The following AFAP1L1 variants were observed in gnomAD, a reference collection of about 807,000 sequenced individuals.
The protein encoded by AFAP1L1 is actin filament associated protein 1 like 1, also known as actin filament-associated protein 1-like 1.
A neutral mutation model predicts 99.8 loss-of-function variants in AFAP1L1; 77 were observed. The ratio of observed to expected loss-of-function variants is 0.77; its 90% confidence interval spans 0.64 to 0.93. AFAP1L1 has a LOEUF of 0.93. AFAP1L1 is among the 40% of genes least tolerant of loss of function. The pLI, the probability that AFAP1L1 is intolerant of heterozygous loss-of-function variation, is 0.00. For missense variants in AFAP1L1, 893 were observed against 996.8 expected (o/e 0.90, Z 1.40); for synonymous variants, 373 against 395.3 (o/e 0.94, Z 0.67).
At chr5:149,290,947 G>A (rs1347248392) in intron 1 of AFAP1L1, among the ~76,000 whole-genome samples, 1 of 152,242 alleles carries the variant, frequency 6.6e-6, no homozygotes, top group Non-Finnish European at 1.5e-5. Flanking sequence ...TCAGGCTTAA[G>A]TTGGGGAAAG....
intron 1 of AFAP1L1, among the ~76,000 whole-genome samples, chr5:149,296,620 G>T (rs963222332): frequency 2.0e-5 from 3 of 152,224 alleles, no homozygotes; most frequent in African/African-American, 7.2e-5. Flanking sequence ...CGTTGGGACA[G>T]TTGGAACAAT....
chr5:149,293,123 C>T (rs1275330711), intron 1 of AFAP1L1, among the ~76,000 whole-genome samples: 1 of 152,214 alleles, frequency 6.6e-6, no homozygotes, highest in Admixed American at 6.5e-5. Context: ...CTACCACTTC[C>T]CCTGAAACTC....
Position 149,340,995 on chromosome 5 carries a change from G to C in AFAP1L1, c.*965G>C, listed in dbSNP as rs1286622977. 2 of 152,052 alleles carry C rather than the reference G, an allele frequency of 1.3e-5. No homozygotes were observed. Among genetic ancestry groups the C allele is most frequent in the Non-Finnish European group, 2.9e-5 (2 of 68,034 alleles). The allele number at this position is 152,052 out of a possible 1,614,324, so 9.4% of individuals were successfully genotyped here. On this transcript the variant is annotated 3_prime_UTR_variant, in exon 19 of 19. Coordinates refer to ENST00000296721, the MANE Select transcript of AFAP1L1 (RefSeq NM_152406.4). Reference sequence around the variant, plus strand: ...GATGATGGCTTCTTTCTGTCACATGGGTGCTAAACCTTTTACAAACACTTG... The same window carrying C: ...GATGATGGCTTCTTTCTGTCACATGCGTGCTAAACCTTTTACAAACACTTG...
Position 149,309,987 on chromosome 5 carries a change from A to G in AFAP1L1, c.779A>G (p.His260Arg). ...AAAAGCTCCAAGGATCGGCAGCCAC[A>G]TCTGAGGTTGGCACTGGATACCTGC... ...CYKSSKDRQP[H>R]LRLALDTCSI... The change falls in exon 8 of 19, where the codon CAT (histidine) becomes CGT (arginine). Residue 260 changes from histidine to arginine, a missense_variant. Coordinates refer to ENST00000296721, the MANE Select transcript of AFAP1L1 (RefSeq NM_152406.4). 1 of 1,614,172 alleles carries G rather than the reference A, an allele frequency of 6.2e-7. No homozygotes were observed. Among genetic ancestry groups the G allele is most frequent in the Non-Finnish European group, 8.5e-7 (1 of 1,180,020 alleles).
chr5:149,318,796 A>G (rs923372738), intron 12 of AFAP1L1, among the ~76,000 whole-genome samples: 2 of 152,188 alleles, frequency 1.3e-5, no homozygotes, highest in African/African-American at 4.8e-5. Context: ...ATTACAGATA[A>G]GGAAACTGAG....
At chr5:149,301,292 A>G (rs1756202488) in intron 4 of AFAP1L1, 62 bp downstream of exon 4, 1 of 1,520,168 alleles carries the variant, frequency 6.6e-7, no homozygotes, top group African/African-American at 1.4e-5. Flanking sequence ...AGGCAAGGGA[A>G]GCTCTCCCCT....
rs896084172 is a variant in AFAP1L1, at chr5:149,342,951, T to C, written c.*2921T>C. The stretch of plus-strand genomic sequence containing the variant: ...CTTATTTGGTTGTGTTTTTTCAAAG[T>C]GTAAGCCACAGGTCTAAGCCCAACA... On this transcript the variant is annotated 3_prime_UTR_variant, in exon 19 of 19. Transcript: ENST00000296721. Among the ~76,000 whole-genome samples the C allele has an allele frequency of 5.3e-5, 8 of 152,060 alleles. No individual in the cohort carries two copies. The highest frequency in any genetic ancestry group is 1.0e-4 in the Non-Finnish European group (7 of 68,006).
At chr5:149,277,972 A>G (rs1373253237) in intron 1 of AFAP1L1, among the ~76,000 whole-genome samples, 1 of 152,086 alleles carries the variant, frequency 6.6e-6, no homozygotes, top group Admixed American at 6.5e-5. Context: ...TTTTTGTCAA[A>G]GTTTTGCCAG....
chr5:149,315,846 CAG>C lies in AFAP1L1; in HGVS notation c.1048_1049del (p.Asp350PhefsTer2). ...AGGCTGTCCCAAGAGAAGCAGACCT[CAG>C]ATTCTGACAGCGTGGGTGTGGGTGA... On this transcript the variant is annotated frameshift_variant, in exon 10 of 19. Coordinates refer to ENST00000296721, the MANE Select transcript of AFAP1L1 (RefSeq NM_152406.4). LOFTEE classifies it high-confidence loss of function. 6.2e-7 allele frequency: 1 copy of C among 1,614,156 alleles called. No homozygotes were observed.
At chr5:149,306,464 C>G (rs750782012) in intron 6 of AFAP1L1, 60 bp downstream of exon 6, 25 of 1,475,244 alleles carry the variant, frequency 1.7e-5, no homozygotes, top group African/African-American at 1.4e-4. Context: ...AAAGAGCAGG[C>G]CTTGTCCTGG....
chr5:149,329,036 G>A lies in AFAP1L1; in HGVS notation c.1811-630G>A, dbSNP rs1455949041. 2.6e-5 allele frequency among the ~76,000 whole-genome samples: 4 copies of A among 152,208 alleles called. No homozygotes were observed. The East Asian group carries it at 5.8e-4, about 22-fold the overall frequency. On this transcript the variant is annotated intron_variant, in intron 15 of 18. Transcript: ENST00000296721. ...GGACAATGCCTGACTGTAGTCCAAA[G>A]TCTAGAATCTCTGGAGATCTGAGTT...
chr5:149,326,907 A>G lies in AFAP1L1; in HGVS notation c.1811-2759A>G, dbSNP rs554627473. On this transcript the variant is annotated intron_variant, in intron 15 of 18. Transcript: ENST00000296721. ...ATCAGTGGCTTCATACTTCAAGAGGAAGTAGACTACAATAAAATAGTTCAG... is the reference window on the plus strand; with the variant it reads ...ATCAGTGGCTTCATACTTCAAGAGGGAGTAGACTACAATAAAATAGTTCAG... 2.6e-5 allele frequency among the ~76,000 whole-genome samples: 4 copies of G among 152,354 alleles called. No homozygotes were observed. The East Asian group carries it at 7.7e-4, about 29-fold the overall frequency.
Position 149,319,607 on chromosome 5 carries a change from G to T in AFAP1L1, c.1505G>T (p.Arg502Leu). Residue 502 changes from arginine to leucine, a missense_variant, in exon 13 of 19, where the codon CGC becomes CTC. Coordinates refer to ENST00000296721, the MANE Select transcript of AFAP1L1 (RefSeq NM_152406.4). ...LEASCSEDMG[R>L]WLGLLLVEMG... ...GCAAGCTGTTCAGAGGACATGGGTC[G>T]CTGGCTCGGGCTGCTGCTGGTGGAG... is the stretch of plus-strand genomic sequence containing the variant. The T allele has an allele frequency of 6.2e-7, 1 of 1,612,660 alleles. No individual in the cohort carries two copies. Among genetic ancestry groups the T allele is most frequent in the Non-Finnish European group, 8.5e-7 (1 of 1,179,470 alleles).
chr5:149,298,340 T>C (rs990481842), intron 1 of AFAP1L1, among the ~76,000 whole-genome samples: 15 of 152,176 alleles, frequency 9.9e-5, no homozygotes, highest in African/African-American at 3.6e-4. Flanking sequence ...TGGGACCTAC[T>C]TCAAAACTTG....
intron 1 of AFAP1L1, among the ~76,000 whole-genome samples, chr5:149,275,710 G>A (rs1012093773): frequency 4.6e-5 from 7 of 151,948 alleles, no homozygotes; most frequent in Admixed American, 3.3e-4. Context: ...GTTTCACCAC[G>A]TTAGCCAGGA....
rs139614291 is a variant in AFAP1L1 at position 149,310,054 on chromosome 5, C to T, written c.846C>T (p.His282=). 1.8e-4 allele frequency: 291 copies of T among 1,614,058 alleles called. No individual in the cohort carries two copies. Among genetic ancestry groups the T allele is most frequent in the Admixed American group, 4.3e-4 (26 of 60,004 alleles). The stretch of plus-strand genomic sequence containing the variant: ...CCAAGGACAGCCGGCACAAGAGGCA[C>T]GAGCTGCGTTTCACCCAGGGGGCTA... ...YVPKDSRHKR[H]ELRFTQGATE... Residue 282 remains histidine, a synonymous_variant, in exon 8 of 19, where the codon CAC becomes CAT. Coordinates refer to ENST00000296721, the MANE Select transcript of AFAP1L1 (RefSeq NM_152406.4).
At position 149,328,677 on chromosome 5, in the gene AFAP1L1, C is replaced by T. The variant is rs556902365; in HGVS notation, c.1811-989C>T. On this transcript the variant is annotated intron_variant, in intron 15 of 18. Transcript: ENST00000296721. ...TACAAAAATTAGCCAGGCATGGTGG[C>T]GGGCACCTGTAGTCCCAGCTACTCT... Among the ~76,000 whole-genome samples, 2 of 152,076 alleles carry T rather than the reference C, an allele frequency of 1.3e-5. 1 individual carries two copies. The highest frequency in any genetic ancestry group is 4.1e-4 in the South Asian group (2 of 4,820).
In AFAP1L1 at chr5:149,340,174, T is replaced by G. The variant is rs1581351487; in HGVS notation, c.*144T>G. On this transcript the variant is annotated 3_prime_UTR_variant, in exon 19 of 19. Coordinates refer to ENST00000296721, the MANE Select transcript of AFAP1L1 (RefSeq NM_152406.4). The stretch of plus-strand genomic sequence containing the variant: ...ACCCAAAATACCAGCCTTTATTGTC[T>G]GCATGATTTTAGGGGATATGGGGAG... 1 of 856,554 alleles carries G rather than the reference T, an allele frequency of 1.2e-6. No homozygotes were observed. The highest frequency in any genetic ancestry group is 2.7e-5 in the East Asian group (1 of 37,490). 53.1% of individuals were successfully genotyped at this position (856,554 alleles called of 1,614,324 possible). A position where few individuals can be genotyped will look rare whatever the true frequency, so the allele number is the denominator to read the frequency against.
At position 149,275,761 on chromosome 5, in the gene AFAP1L1, C is replaced by G. The variant is rs1367555083; in HGVS notation, c.16+3777C>G. 3.3e-5 allele frequency among the ~76,000 whole-genome samples: 5 copies of G among 152,346 alleles called. No individual in the cohort carries two copies. The East Asian group carries it at 9.7e-4, about 29-fold the overall frequency. The stretch of plus-strand genomic sequence containing the variant: ...GACCTCGTGATCCACCCGCCTCAGC[C>G]TCCCAAAGTGCTGGGATTACAGGCG... On this transcript the variant is annotated intron_variant, in intron 1 of 18. Transcript: ENST00000296721.
Sources: allele counts gnomAD v4.1 joint callset (sites outside exome capture counted in the v4.1 genomes callset), GRCh38; gene constraint gnomAD v4.1.1; transcripts MANE v1.5; gene names NCBI Gene and HGNC (gene_info 2026-07-23, HGNC 2026-07-21).